ZNF436: variants seen among roughly 807,000 people sequenced by gnomAD.
ZNF436 encodes the protein zinc finger protein 436.
A neutral mutation model predicts 41.9 loss-of-function variants in ZNF436; 22 were observed. The observed-to-expected ratio is 0.53, with a 90% CI of 0.38 to 0.75. ZNF436 has a LOEUF of 0.75. ZNF436 is among the 30% of genes least tolerant of loss of function. The pLI, the probability that ZNF436 is intolerant of heterozygous loss-of-function variation, is 0.00. For missense variants in ZNF436, 506 were observed against 587.3 expected, an observed-to-expected ratio of 0.86 and a Z score of 1.43; for synonymous variants, 217 against 197.8, an observed-to-expected ratio of 1.10 and a Z score of -0.82.
intron 3 of ZNF436, among the ~76,000 whole-genome samples, chr1:23,366,332 G>A (rs1165688409): frequency 7.0e-6 from 1 of 143,024 alleles, no homozygotes; most frequent in African/African-American, 2.5e-5. Flanking sequence ...GCTTGCTAAT[G>A]TCTGTCAAGT....
At position 23,362,877 on chromosome 1, in the gene ZNF436, A is replaced by C; in HGVS notation, c.505T>G (p.Tyr169Asp). 2 of 1,614,116 alleles carry C rather than the reference A, an allele frequency of 1.2e-6. No individual in the cohort carries two copies. Among genetic ancestry groups the C allele is most frequent in the Middle Eastern group, 1.6e-4 (1 of 6,062 alleles). Reference sequence around the variant, plus strand: ...CGACTGAAGCCTTTTCCACATTCATAACATTTATAGGGTCTGTCTCCAGTG... The same window carrying C: ...CGACTGAAGCCTTTTCCACATTCATCACATTTATAGGGTCTGTCTCCAGTG... Reference protein sequence around the residue: ...THTGDRPYKCYECGKGFSRSS... With the variant: ...THTGDRPYKCDECGKGFSRSS... Residue 169 changes from tyrosine to aspartate, a missense_variant, in exon 4 of 4, where the codon TAT becomes GAT. By Grantham distance (160) the Tyr-to-Asp change is radical. This residue lies in a region of ZNF436 where 228 missense variants were observed against 215.1 expected (regional missense o/e 1.06). Transcript: ENST00000314011.
At chr1:23,366,491 A>G (rs1284994044) in intron 3 of ZNF436, among the ~76,000 whole-genome samples, 13 of 152,206 alleles carry the variant, frequency 8.5e-5, no homozygotes, top group Non-Finnish European at 1.9e-4. Flanking sequence ...TGCCCTCTCT[A>G]ATAGAATTTG....
In ZNF436 at chr1:23,361,964, A is replaced by T. The variant is rs1401154929; in HGVS notation, c.*5T>A. 3.2e-6 allele frequency: 5 copies of T among 1,564,358 alleles called. No individual in the cohort carries two copies. In the Admixed American group the frequency reaches 1.0e-4, roughly 31 times the overall value. On this transcript the variant is annotated 3_prime_UTR_variant, in exon 4 of 4. Transcript: ENST00000314011. Reference sequence around the variant, plus strand: ...GAATCATTTCTCAGCCATCATAATTACAGCTTAGTCCGTATGAACTCTCTT... The same window carrying T: ...GAATCATTTCTCAGCCATCATAATTTCAGCTTAGTCCGTATGAACTCTCTT...
In ZNF436 at chr1:23,361,975, C is replaced by T. The variant is rs763034573; in HGVS notation, c.1407G>A (p.Thr469=). ...CAGCCATCATAATTACAGCTTAGTC[C>T]GTATGAACTCTCTTATGTTTAATAA... ...SALIKHKRVH[T]D is the part of the protein sequence containing the mutation. The change falls in exon 4 of 4, where the codon ACG becomes ACA. Residue 469 remains threonine (T), a synonymous_variant. Coordinates refer to ENST00000314011, the MANE Select transcript of ZNF436 (RefSeq NM_001077195.2). The T allele has an allele frequency of 5.7e-6, 9 of 1,584,248 alleles. No individual in the cohort carries two copies. Among genetic ancestry groups the T allele is most frequent in the Non-Finnish European group, 7.7e-6 (9 of 1,165,740 alleles).
intron 3 of ZNF436, among the ~76,000 whole-genome samples, chr1:23,364,802 A>G (rs1345461523): frequency 6.6e-6 from 1 of 152,212 alleles, no homozygotes; most frequent in African/African-American, 2.4e-5. Context: ...GCATTCTCCA[A>G]ATTGGGTTTC....
intron 3 of ZNF436, among the ~76,000 whole-genome samples, chr1:23,365,688 T>G (rs1168396282): frequency 6.6e-6 from 1 of 152,040 alleles, no homozygotes; most frequent in Admixed American, 6.6e-5. Context: ...CACTCCAGTC[T>G]GGGCAACAGA....
At position 23,361,695 on chromosome 1, in the gene ZNF436, A is replaced by C; in HGVS notation, c.*274T>G. ...CCATTTCCAGGCCTAAGCATTCACC[A>C]GCATTTGTCCCCTGGTCTTCAGATT... On this transcript the variant is annotated 3_prime_UTR_variant, in exon 4 of 4. Transcript: ENST00000314011. The C allele has an allele frequency of 2.9e-6, 1 of 339,146 alleles. No homozygotes were observed. The highest frequency in any genetic ancestry group is 5.4e-6 in the Non-Finnish European group (1 of 185,254). 21.0% of individuals were successfully genotyped at this position (339,146 alleles called of 1,614,324 possible).
At chr1:23,368,111 T>C (rs1471057192) in intron 1 of ZNF436, 46 bp from the exon 2 acceptor site, 3 of 1,305,830 alleles carry the variant, frequency 2.3e-6, no homozygotes, top group Admixed American at 3.8e-5. Context: ...AAACAGGCCC[T>C]GCCCACTCCC....
rs1413495308 is a variant in ZNF436, at chr1:23,369,538, C to G, written c.-233G>C. ...GGTAGATCTCGAATTCGTAGACTTGCAGGCGAAGCCCAGATATCGTAGGCT... is the reference window on the plus strand; with the variant it reads ...GGTAGATCTCGAATTCGTAGACTTGGAGGCGAAGCCCAGATATCGTAGGCT... On this transcript the variant is annotated 5_prime_UTR_variant, in exon 1 of 4. Coordinates refer to ENST00000314011, the MANE Select transcript of ZNF436 (RefSeq NM_001077195.2). 1.9e-6 allele frequency: 1 copy of G among 532,748 alleles called. No homozygotes were observed. Among genetic ancestry groups the G allele is most frequent in the Non-Finnish European group, 3.9e-6 (1 of 258,798 alleles). The allele number at this position is 532,748 out of a possible 1,614,324, so 33.0% of individuals were successfully genotyped here. A position where few individuals can be genotyped will look rare whatever the true frequency, so the allele number is the denominator to read the frequency against.
rs150869313 is a variant in ZNF436, at chr1:23,369,555, T to C, written c.-250A>G. On this transcript the variant is annotated 5_prime_UTR_variant, in exon 1 of 4. Transcript: ENST00000314011. The stretch of plus-strand genomic sequence containing the variant: ...TAGACTTGCAGGCGAAGCCCAGATA[T>C]CGTAGGCTGATCCTAAAGACTCAGA... 11 of 533,654 alleles carry C rather than the reference T, an allele frequency of 2.1e-5. No individual in the cohort carries two copies. The highest frequency in any genetic ancestry group is 9.6e-5 in the African/African-American group (5 of 51,920). The allele number at this position is 533,654 out of a possible 1,614,324, so 33.1% of individuals were successfully genotyped here. A position where few individuals can be genotyped will look rare whatever the true frequency, so the allele number is the denominator to read the frequency against.
In ZNF436 at chr1:23,361,742, T is replaced by G; in HGVS notation, c.*227A>C. The G allele has an allele frequency of 2.3e-6, 1 of 432,900 alleles. No individual in the cohort carries two copies. The highest frequency in any genetic ancestry group is 4.0e-5 in the South Asian group (1 of 25,106). The allele number at this position is 432,900 out of a possible 1,614,324, so 26.8% of individuals were successfully genotyped here. A position where few individuals can be genotyped will look rare whatever the true frequency, so the allele number is the denominator to read the frequency against. ...GATTTCCAGTTACTTGTGGGGCTGC[T>G]TTTAATGAAGTAACCCATTGAGTGA... On this transcript the variant is annotated 3_prime_UTR_variant, in exon 4 of 4. Transcript: ENST00000314011.
chr1:23,361,927 G>A lies in ZNF436; in HGVS notation c.*42C>T. 6.5e-7 allele frequency: 1 copy of A among 1,529,622 alleles called. No individual in the cohort carries two copies. Among genetic ancestry groups the A allele is most frequent in the East Asian group, 2.3e-5 (1 of 44,224 alleles). The allele number at this position is 1,529,622 out of a possible 1,614,324, so 94.8% of individuals were successfully genotyped here. On this transcript the variant is annotated 3_prime_UTR_variant, in exon 4 of 4. Coordinates refer to ENST00000314011, the MANE Select transcript of ZNF436 (RefSeq NM_001077195.2). ...GCGTTCATTGATATCAAATAAAATTGTATCTTCAAATGAATCATTTCTCAG... is the reference window on the plus strand; with the variant it reads ...GCGTTCATTGATATCAAATAAAATTATATCTTCAAATGAATCATTTCTCAG...
chr1:23,366,051 T>C (rs1010869126), intron 3 of ZNF436, among the ~76,000 whole-genome samples: 1 of 152,220 alleles, frequency 6.6e-6, no homozygotes, highest in African/African-American at 2.4e-5. Flanking sequence ...TGTAGAATTG[T>C]AAATTCACAT....
intron 3 of ZNF436, among the ~76,000 whole-genome samples, 186 bp from the exon 4 acceptor site, chr1:23,363,407 G>A (rs1322702224): frequency 6.6e-6 from 1 of 151,882 alleles, no homozygotes; most frequent in East Asian, 1.9e-4. Context: ...TCCTGTCTCA[G>A]CCTCCTGAGT....
chr1:23,363,276 G>T, intron 3 of ZNF436, 55 bp from the exon 4 acceptor site: 2 of 1,483,374 alleles, frequency 1.3e-6, no homozygotes, highest in South Asian at 1.3e-5. Flanking sequence ...CCTATTGTGT[G>T]CCAGGCACTA....
intron 1 of ZNF436, chr1:23,368,885 T>G (rs1201174729): frequency 6.5e-6 from 1 of 153,818 alleles, no homozygotes; most frequent in Non-Finnish European, 1.4e-5. Context: ...GCCCACGCAC[T>G]ACATCTCCCA....
chr1:23,365,242 A>G (rs1377864118), intron 3 of ZNF436, among the ~76,000 whole-genome samples: 1 of 150,754 alleles, frequency 6.6e-6, no homozygotes, highest in Non-Finnish European at 1.5e-5. Flanking sequence ...AAAAAAACGC[A>G]AAAACTAGCC....
rs766246752 is a variant in ZNF436 at position 23,369,498 on chromosome 1, G to C, written c.-193C>G. 1 of 531,746 alleles carries C rather than the reference G, an allele frequency of 1.9e-6. No homozygotes were observed. Among genetic ancestry groups the C allele is most frequent in the African/African-American group, 1.9e-5 (1 of 51,930 alleles). 32.9% of individuals were successfully genotyped at this position (531,746 alleles called of 1,614,324 possible). On this transcript the variant is annotated 5_prime_UTR_variant, in exon 1 of 4. Transcript: ENST00000314011. ...CTAGAGAGCACGGGCAGGTCCCGGA[G>C]GTCTCAGACCCGCAGGTAGATCTCG... is the stretch of plus-strand genomic sequence containing the variant.
intron 3 of ZNF436, among the ~76,000 whole-genome samples, chr1:23,365,673 C>T (rs1638343569): frequency 6.6e-6 from 1 of 151,880 alleles, no homozygotes; most frequent in South Asian, 2.1e-4. Flanking sequence ...AAGATTGGGC[C>T]ACTGCACTCC....
Sources: allele counts gnomAD v4.1 joint callset (sites outside exome capture counted in the v4.1 genomes callset), GRCh38; gene constraint gnomAD v4.1.1; regional missense constraint gnomAD v4.1.1; transcripts MANE v1.5; gene names NCBI Gene and HGNC (gene_info 2026-07-23, HGNC 2026-07-21).